Variants in CMIP observed in about 807,000 individuals in gnomAD.
CMIP encodes C-Maf-inducing protein.
Under a neutral mutation model 97.3 loss-of-function variants are expected in CMIP, and 13 were observed. The observed-to-expected ratio is 0.13, with a 90% CI of 0.09 to 0.21. CMIP has a LOEUF of 0.21. Ranked by LOEUF, CMIP falls within the 10% of genes least tolerant of loss-of-function variation. The probability of loss-of-function intolerance (pLI) is 1.00; values close to 1 mark genes in which losing one functional copy is unlikely to be tolerated. For missense variants in CMIP, 847 were observed against 1,024.9 expected (o/e 0.83, Z 2.37); for synonymous variants, 538 against 436.3 (o/e 1.23, Z -2.91).
chr16:81,705,744 A>G, intron 19 of CMIP, 140 bp downstream of exon 19: 1 of 603,322 alleles, frequency 1.7e-6, no homozygotes, highest in South Asian at 2.0e-5. Context: ...TTCACTGCAC[A>G]CCTGCTGTGG....
At chr16:81,561,059 A>G (rs929795372) in intron 1 of CMIP, among the ~76,000 whole-genome samples, 5 of 152,208 alleles carry the variant, frequency 3.3e-5, no homozygotes, top group African/African-American at 1.2e-4. Context: ...GGTTCAAGCA[A>G]TTCTCATGCC....
intron 1 of CMIP, among the ~76,000 whole-genome samples, chr16:81,568,272 C>T (rs576952694): frequency 2.0e-5 from 3 of 152,030 alleles, no homozygotes; most frequent in Non-Finnish European, 2.9e-5. Flanking sequence ...GACCTCAGTG[C>T]GGTCAGTAAA....
intron 1 of CMIP, among the ~76,000 whole-genome samples, chr16:81,593,848 G>T (rs1276360507): frequency 6.6e-6 from 1 of 152,148 alleles, no homozygotes; most frequent in African/African-American, 2.4e-5. Flanking sequence ...GCTCACCTGT[G>T]CTGAGCACGC....
chr16:81,685,538 A>C (rs1355788709), intron 10 of CMIP, among the ~76,000 whole-genome samples: 2 of 151,984 alleles, frequency 1.3e-5, no homozygotes, highest in Admixed American at 1.3e-4. Flanking sequence ...AAAGTAAAAA[A>C]AAACCTAAGT....
At chr16:81,527,972 C>T (rs1245471219) in intron 1 of CMIP, among the ~76,000 whole-genome samples, 1 of 152,184 alleles carries the variant, frequency 6.6e-6, no homozygotes, top group African/African-American at 2.4e-5. Context: ...GCTGGTATTG[C>T]ATAGGTTCAC....
chr16:81,551,277 G>A (rs986145797), intron 1 of CMIP, among the ~76,000 whole-genome samples: 2 of 152,196 alleles, frequency 1.3e-5, no homozygotes, highest in Non-Finnish European at 2.9e-5. Context: ...ACACCCAGAG[G>A]GTTCTGAGTA....
At chr16:81,523,840 G>A (rs1436475898) in intron 1 of CMIP, among the ~76,000 whole-genome samples, 2 of 152,202 alleles carry the variant, frequency 1.3e-5, no homozygotes, top group African/African-American at 4.8e-5. Context: ...TTAGCTAGGA[G>A]CCTGGATGTA....
intron 7 of CMIP, chr16:81,667,249 T>C (rs1597218795): frequency 6.6e-6 from 1 of 152,356 alleles, no homozygotes; most frequent in African/African-American, 2.4e-5. Context: ...TGTTCTTTAC[T>C]AGACTGAAAT....
chr16:81,573,083 C>A (rs958617176), intron 1 of CMIP, among the ~76,000 whole-genome samples: 1 of 152,234 alleles, frequency 6.6e-6, no homozygotes, highest in Admixed American at 6.5e-5. Flanking sequence ...GTAGCTCATG[C>A]CTGTAATCCC....
Position 81,691,859 on chromosome 16 carries a change from C to T in CMIP, c.1454+19C>T. On this transcript the variant is annotated intron_variant, in intron 11 of 20. Transcript: ENST00000537098. ...CCAAAGAGTAAGTCCCGTGTGCATC[C>T]CCGGAGCCCTCCCACCTGTGAGACA... 2 of 1,607,844 alleles carry T rather than the reference C, an allele frequency of 1.2e-6. No individual in the cohort carries two copies. The highest frequency in any genetic ancestry group is 1.7e-6 in the Non-Finnish European group (2 of 1,174,478).
chr16:81,608,450 C>A (rs1280819096), intron 2 of CMIP, among the ~76,000 whole-genome samples: 2 of 152,148 alleles, frequency 1.3e-5, no homozygotes, highest in African/African-American at 2.4e-5. Flanking sequence ...AGCCCAAAGC[C>A]ACATCCTTAG....
At chr16:81,702,081 C>A (rs893032937) in intron 16 of CMIP, among the ~76,000 whole-genome samples, 1 of 152,180 alleles carries the variant, frequency 6.6e-6, no homozygotes, top group Non-Finnish European at 1.5e-5. Context: ...CATGGGGGAC[C>A]CAACTTCCAA....
intron 1 of CMIP, among the ~76,000 whole-genome samples, chr16:81,454,993 G>A (rs1906456646): frequency 6.6e-6 from 1 of 152,200 alleles, no homozygotes; most frequent in Non-Finnish European, 1.5e-5. Flanking sequence ...CAGTTTTTAT[G>A]GGGTGGACAC....
intron 1 of CMIP, among the ~76,000 whole-genome samples, chr16:81,477,095 G>A (rs899922230): frequency 2.0e-5 from 3 of 152,068 alleles, no homozygotes; most frequent in South Asian, 2.1e-4. Flanking sequence ...CTTGAAAAAT[G>A]GCAGCTGGTT....
chr16:81,597,150 G>A (rs538137200), intron 1 of CMIP, among the ~76,000 whole-genome samples: 13 of 152,216 alleles, frequency 8.5e-5, no homozygotes, highest in Non-Finnish European at 1.6e-4. Context: ...GGGCCTTTCT[G>A]TGGAGGAAGG....
At chr16:81,591,687 G>A (rs1238420662) in intron 1 of CMIP, among the ~76,000 whole-genome samples, 1 of 152,068 alleles carries the variant, frequency 6.6e-6, no homozygotes, top group Non-Finnish European at 1.5e-5. Flanking sequence ...GGGGAGCAGG[G>A]GAGCCCCCAG....
intron 8 of CMIP, among the ~76,000 whole-genome samples, chr16:81,671,280 T>A (rs1227120041): frequency 6.6e-6 from 1 of 152,164 alleles, no homozygotes; most frequent in East Asian, 1.9e-4. Flanking sequence ...CACCACCCAG[T>A]TGTGGTTTGC....
intron 1 of CMIP, among the ~76,000 whole-genome samples, chr16:81,456,919 G>A (rs1906583773): frequency 6.6e-6 from 1 of 152,160 alleles, no homozygotes; most frequent in South Asian, 2.1e-4. Context: ...CCCATCTCCG[G>A]AGGAGCCGTG....
rs188674744 is a variant in CMIP, at chr16:81,622,627, C to A, written c.477+1701C>A. ...ACGGCAGAATGTACTTGGAGACACA[C>A]TGCCTACCCGACAGGTTGGGGGAAA... On this transcript the variant is annotated intron_variant, in intron 3 of 20. Transcript: ENST00000537098. Among the ~76,000 whole-genome samples the A allele has an allele frequency of 3.1e-3, 479 of 152,256 alleles. 2 individuals carry two copies. Among genetic ancestry groups the A allele is most frequent in the African/African-American group, 0.011 (467 of 41,552 alleles).
Sources: gnomAD v4.1 joint callset for allele counts (sites outside exome capture counted in the v4.1 genomes callset) on GRCh38, gnomAD v4.1.1 for gene constraint, MANE v1.5 for transcripts, NCBI Gene and HGNC (gene_info 2026-07-23, HGNC 2026-07-21) for gene names.